The following DHX36 variants were observed in gnomAD, a reference collection of about 807,000 sequenced individuals.
DHX36 encodes DEAH-box helicase 36, also known as ATP-dependent DNA/RNA helicase DHX36.
Under a neutral mutation model 139.0 loss-of-function variants are expected in DHX36, and 50 were observed. The ratio of observed to expected loss-of-function variants is 0.36; its 90% CI spans 0.29 to 0.46. DHX36 has a LOEUF of 0.46. Ranked by LOEUF, DHX36 falls within the 20% of genes least tolerant of loss-of-function variation. The pLI, the probability that DHX36 is intolerant of heterozygous loss-of-function variation, is 1.00. For missense variants in DHX36, 1,024 were observed against 1,211.3 expected, an observed-to-expected ratio of 0.85 and a Z score of 2.29; for synonymous variants, 425 against 401.9, an observed-to-expected ratio of 1.06 and a Z score of -0.69.
At chr3:154,290,822 G>A (rs1711765948) in intron 15 of DHX36, among the ~76,000 whole-genome samples, 1 of 151,674 alleles carries the variant, frequency 6.6e-6, no homozygotes, top group Non-Finnish European at 1.5e-5. Flanking sequence ...TATCTCTCCA[G>A]TAGAAACTAA....
chr3:154,294,104 G>T (rs1426746179), intron 13 of DHX36, among the ~76,000 whole-genome samples: 1 of 152,114 alleles, frequency 6.6e-6, no homozygotes, highest in African/African-American at 2.4e-5. Flanking sequence ...TTTAACAAAA[G>T]CTGGAGGTTA....
chr3:154,310,539 T>C (rs925587104), intron 4 of DHX36, among the ~76,000 whole-genome samples: 5 of 151,082 alleles, frequency 3.3e-5, no homozygotes, highest in Non-Finnish European at 5.9e-5. Context: ...TCCCAGCACT[T>C]TGGGAGGCTG....
At chr3:154,315,326 C>G (rs749615085) in intron 2 of DHX36, 46 bp from the exon 3 acceptor site, 1 of 1,372,152 alleles carries the variant, frequency 7.3e-7, no homozygotes, top group Non-Finnish European at 1.0e-6. Flanking sequence ...ATGAGCCACT[C>G]AAACACTGGA....
At chr3:154,298,580 AT>A (rs979407093) in intron 12 of DHX36, among the ~76,000 whole-genome samples, 3 of 152,244 alleles carry the variant, frequency 2.0e-5, no homozygotes, top group Non-Finnish European at 4.4e-5. Flanking sequence ...TACATTTATT[AT>A]TTTAGTCAAT....
rs987763219 is a variant in DHX36, at chr3:154,274,676, A to C, written c.*1495T>G. Reference sequence around the variant, plus strand: ...CCTTGAAGATCACTTCTCAGCTGCCATTCACTAGGACATGTTTATGTACTC... The same window carrying C: ...CCTTGAAGATCACTTCTCAGCTGCCCTTCACTAGGACATGTTTATGTACTC... On this transcript the variant is annotated 3_prime_UTR_variant, in exon 25 of 25. Transcript: ENST00000496811. 2 of 152,290 alleles carry C rather than the reference A, an allele frequency of 1.3e-5. No individual in the cohort carries two copies. Among genetic ancestry groups the C allele is most frequent in the Non-Finnish European group, 2.9e-5 (2 of 68,116 alleles). The allele number at this position is 152,290 out of a possible 1,614,324, so 9.4% of individuals were successfully genotyped here.
At chr3:154,288,640 A>G (rs1249670526) in intron 17 of DHX36, among the ~76,000 whole-genome samples, 14 of 152,184 alleles carry the variant, frequency 9.2e-5, no homozygotes, top group African/African-American at 2.7e-4. Context: ...AAAATGTGCA[A>G]AAAGATCCTA....
At chr3:154,277,478 C>A (rs932949357) in intron 23 of DHX36, 120 bp downstream of exon 23, 3 of 896,064 alleles carry the variant, frequency 3.3e-6, no homozygotes, top group South Asian at 3.6e-5. Flanking sequence ...AAGTTACTCA[C>A]GTCACAGGAA....
chr3:154,310,588 C>T (rs1294474589), intron 4 of DHX36, among the ~76,000 whole-genome samples: 1 of 150,324 alleles, frequency 6.7e-6, no homozygotes, highest in Non-Finnish European at 1.5e-5. Flanking sequence ...TGAGACCATC[C>T]TGGCCAACAT....
rs1711760379 is a variant in DHX36 at position 154,290,728 on chromosome 3, G to C, written c.1815-902C>G. Among the ~76,000 whole-genome samples the C allele has an allele frequency of 2.6e-5, 4 of 151,580 alleles. No homozygotes were observed. In the South Asian group the frequency reaches 8.3e-4, roughly 32 times the overall value. On this transcript the variant is annotated intron_variant, in intron 15 of 24. Transcript: ENST00000496811. ...ATTTCTTTAGGCTCTTGCTGCTATA[G>C]GAACAAAAATGAATTCTAAAAATCT...
intron 1 of DHX36, among the ~76,000 whole-genome samples, chr3:154,321,487 C>T (rs532863333): frequency 7.9e-5 from 12 of 152,244 alleles, no homozygotes; most frequent in Middle Eastern, 6.8e-3. Context: ...AGGTGATAGC[C>T]CATATTCTCT....
chr3:154,299,370 T>G (rs1712171642), intron 12 of DHX36, among the ~76,000 whole-genome samples: 1 of 138,292 alleles, frequency 7.2e-6, no homozygotes, highest in South Asian at 2.5e-4. Context: ...ACTCTAAATT[T>G]TATAGAAAAA....
chr3:154,297,664 C>T (rs1404587380), intron 12 of DHX36, among the ~76,000 whole-genome samples: 2 of 150,588 alleles, frequency 1.3e-5, no homozygotes, highest in African/African-American at 4.9e-5. Context: ...GAGCTGAGAT[C>T]GTGCCACTGC....
At chr3:154,278,373 T>C (rs1304559742) in intron 22 of DHX36, 1 of 152,160 alleles carries the variant, frequency 6.6e-6, no homozygotes, top group South Asian at 2.1e-4. Context: ...TGTTTAATAA[T>C]TTATTTTTAA....
intron 3 of DHX36, chr3:154,312,356 G>A (rs987907125): frequency 6.6e-6 from 1 of 152,116 alleles, no homozygotes; most frequent in Admixed American, 6.5e-5. Context: ...CAAAAGGAAT[G>A]ACTATTTTTC....
intron 6 of DHX36, 140 bp downstream of exon 6, chr3:154,306,076 A>C (rs1712489721): frequency 8.6e-6 from 5 of 578,150 alleles, no homozygotes; most frequent in Non-Finnish European, 1.5e-5. Flanking sequence ...GCAGCAAGTC[A>C]TCTACGCTGC....
intron 1 of DHX36, among the ~76,000 whole-genome samples, chr3:154,316,878 A>G (rs1713007063): frequency 6.6e-6 from 1 of 152,062 alleles, no homozygotes; most frequent in African/African-American, 2.4e-5. Context: ...TAAGTTGAAA[A>G]GTTGAAAAAC....
At chr3:154,311,566 T>C in intron 4 of DHX36, 70 bp downstream of exon 4, 1 of 1,279,060 alleles carries the variant, frequency 7.8e-7, no homozygotes, top group Non-Finnish European at 1.1e-6. Flanking sequence ...TTTTTCTTGA[T>C]ATAGAGCTTT....
intron 15 of DHX36, among the ~76,000 whole-genome samples, 160 bp downstream of exon 15, chr3:154,292,391 T>C (rs1711856530): frequency 6.6e-6 from 1 of 152,154 alleles, no homozygotes; most frequent in Admixed American, 6.5e-5. Flanking sequence ...CCAAACAAAC[T>C]ACGATTAGAA....
At position 154,295,343 on chromosome 3, in the gene DHX36, A is replaced by C. The variant is rs765335297; in HGVS notation, c.1550-4T>G. The C allele has an allele frequency of 6.9e-7, 1 of 1,459,770 alleles. No individual in the cohort carries two copies. Among genetic ancestry groups the C allele is most frequent in the South Asian group, 1.3e-5 (1 of 78,398 alleles). The allele number at this position is 1,459,770 out of a possible 1,614,324, so 90.4% of individuals were successfully genotyped here. ...AAAGGTATAATTAAAAATTTATCTG[A>C]AAATTAAAGAGAATTAAATTTTAAG... is the stretch of plus-strand genomic sequence containing the variant. On this transcript the variant is annotated splice_region_variant and splice_polypyrimidine_tract_variant and intron_variant, in intron 12 of 24. Transcript: ENST00000496811.
Sources: gnomAD v4.1 joint callset for allele counts (sites outside exome capture counted in the v4.1 genomes callset) on GRCh38, gnomAD v4.1.1 for gene constraint, MANE v1.5 for transcripts, NCBI Gene and HGNC (gene_info 2026-07-23, HGNC 2026-07-21) for gene names.